The following TSPAN9 variants were observed in gnomAD, a reference collection of about 807,000 sequenced individuals.
TSPAN9 encodes tetraspanin 9.
TSPAN9 carries 16 observed loss-of-function variants against 31.0 expected under a neutral mutation model. That is an observed-to-expected ratio of 0.52 (90% CI 0.35 to 0.78). The LOEUF (loss-of-function observed/expected upper bound fraction) is 0.78. Among genes scored for constraint, TSPAN9 ranks in the 30% least tolerant of loss-of-function variants. TSPAN9 has a pLI of 0.01. For missense variants in TSPAN9, 272 were observed against 312.5 expected (o/e 0.87, Z 0.98); for synonymous variants, 145 against 121.6 (o/e 1.19, Z -1.27).
At position 3,284,796 on chromosome 12, in the gene TSPAN9, C is replaced by CAGTT. The variant is rs1390704731; in HGVS notation, c.*1681_*1684dup. 1 of 152,236 alleles carries CAGTT rather than the reference C, an allele frequency of 6.6e-6. No individual in the cohort carries two copies. Among genetic ancestry groups the CAGTT allele is most frequent in the Non-Finnish European group, 1.5e-5 (1 of 68,082 alleles). The allele number at this position is 152,236 out of a possible 1,614,324, so 9.4% of individuals were successfully genotyped here. A position where few individuals can be genotyped will look rare whatever the true frequency, so the allele number is the denominator to read the frequency against. On this transcript the variant is annotated 3_prime_UTR_variant, in exon 9 of 9. Transcript: ENST00000011898. ...TTGGTGGGCGGCTGCCTTTCCTATACAGTTTGTCTTGTCACCCTGGTTTCC... is the reference window on the plus strand; with the variant it reads ...TTGGTGGGCGGCTGCCTTTCCTATACAGTTAGTTTGTCTTGTCACCCTGGTTTCC...
At position 3,221,096 on chromosome 12, in the gene TSPAN9, G is replaced by T. The variant is rs555538915; in HGVS notation, c.63+19840G>T. 3.0e-3 allele frequency among the ~76,000 whole-genome samples: 452 copies of T among 152,230 alleles called. 1 individual carries two copies. The highest frequency in any genetic ancestry group is 3.6e-3 in the Non-Finnish European group (245 of 68,020). On this transcript the variant is annotated intron_variant, in intron 3 of 8. Coordinates refer to ENST00000011898, the MANE Select transcript of TSPAN9 (RefSeq NM_006675.5). The stretch of plus-strand genomic sequence containing the variant: ...GAAGCCACAGGGACCGGGAGACTGG[G>T]TCGCCACCCTCAGCAGGTGGCCAAG...
At chr12:3,220,886 T>C (rs2098384141) in intron 3 of TSPAN9, among the ~76,000 whole-genome samples, 1 of 152,100 alleles carries the variant, frequency 6.6e-6, no homozygotes, top group Non-Finnish European at 1.5e-5. Context: ...GAGGAACACA[T>C]TGGCCTTTCC....
At chr12:3,103,261 A>G (rs1475762601) in intron 2 of TSPAN9, among the ~76,000 whole-genome samples, 1 of 152,124 alleles carries the variant, frequency 6.6e-6, no homozygotes, top group Admixed American at 6.6e-5. Context: ...CTATGATGAA[A>G]ATATATTCAC....
At chr12:3,160,477 A>G (rs553280948) in intron 2 of TSPAN9, among the ~76,000 whole-genome samples, 1 of 152,364 alleles carries the variant, frequency 6.6e-6, no homozygotes, top group Non-Finnish European at 1.5e-5. Context: ...GTTGGATCAT[A>G]TAGTAACTCT....
chr12:3,096,357 T>TGGCA (rs2098308895), intron 2 of TSPAN9, among the ~76,000 whole-genome samples: 1 of 152,146 alleles, frequency 6.6e-6, no homozygotes, highest in African/African-American at 2.4e-5. Flanking sequence ...GGCATGGGAC[T>TGGCA]TCTGCGGCCT....
intron 2 of TSPAN9, among the ~76,000 whole-genome samples, chr12:3,194,663 A>C (rs748926380): frequency 6.6e-6 from 1 of 152,196 alleles, no homozygotes; most frequent in Non-Finnish European, 1.5e-5. Flanking sequence ...TTGGGATTAC[A>C]TGTGTGAGCA....
At chr12:3,198,803 G>A (rs1163648556) in intron 2 of TSPAN9, among the ~76,000 whole-genome samples, 1 of 54,382 alleles carries the variant, frequency 1.8e-5, no homozygotes, top group Non-Finnish European at 3.9e-5. Context: ...ACCAGCACAG[G>A]TCACACCAGC....
chr12:3,253,080 A>T (rs1305306749), intron 3 of TSPAN9, among the ~76,000 whole-genome samples: 1 of 151,892 alleles, frequency 6.6e-6, no homozygotes, highest in Non-Finnish European at 1.5e-5. Flanking sequence ...TGTGGATCTG[A>T]CCCACCTCTC....
chr12:3,159,144 T>C (rs1483913887), intron 2 of TSPAN9, among the ~76,000 whole-genome samples: 1 of 151,776 alleles, frequency 6.6e-6, no homozygotes, highest in Non-Finnish European at 1.5e-5. Context: ...CTCTTACTTT[T>C]CCCATTATTG....
chr12:3,221,352 A>AT (rs200531623), intron 3 of TSPAN9, among the ~76,000 whole-genome samples: 5,262 of 131,306 alleles, frequency 0.04, 189 homozygotes, highest in Non-Finnish European at 0.057. Context: ...TATTTAAAAT[A>AT]TTTTTCTCTT....
intron 7 of TSPAN9, 85 bp downstream of exon 7, chr12:3,281,414 C>T (rs67672535): frequency 0.056 from 81,584 of 1,453,366 alleles, 2,592 homozygotes; most frequent in Non-Finnish European, 0.063. Flanking sequence ...AGGCTGGGCC[C>T]GGGACACTAA....
chr12:3,137,536 GCCCCAAGGGAGTGCTA>G (rs1565589029), intron 2 of TSPAN9, among the ~76,000 whole-genome samples: 1 of 152,166 alleles, frequency 6.6e-6, no homozygotes, highest in East Asian at 1.9e-4. Context: ...CCAGATTTGG[GCCCCAAGGGAGTGCTA>G]CCCCCTGGGT....
intron 1 of TSPAN9, among the ~76,000 whole-genome samples, chr12:3,081,192 C>T (rs1316449393): frequency 1.3e-5 from 2 of 152,112 alleles, no homozygotes; most frequent in Admixed American, 6.5e-5. Context: ...TTTATAACCT[C>T]GTGGAGGAGA....
At chr12:3,142,256 G>T (rs138351464) in intron 2 of TSPAN9, among the ~76,000 whole-genome samples, 46 of 152,180 alleles carry the variant, frequency 3.0e-4, no homozygotes, top group African/African-American at 1.0e-3. Flanking sequence ...TTTTACCATG[G>T]AGTGTCCCCA....
rs1862834976 is a variant in TSPAN9 at position 3,278,522 on chromosome 12, C to G, written c.165C>G (p.Asn55Lys). 6.2e-7 allele frequency: 1 copy of G among 1,614,212 alleles called. No individual in the cohort carries two copies. Residue 55 changes from asparagine to lysine, a missense_variant, in exon 4 of 9, where the codon AAC (asparagine) becomes AAG (lysine). By Grantham distance (94) the Asn-to-Lys change is moderately conservative. Coordinates refer to ENST00000011898, the MANE Select transcript of TSPAN9 (RefSeq NM_006675.5). The stretch of plus-strand genomic sequence containing the variant: ...GCTTCCCTTCGTTGTCTGCAGCCAA[C>G]CTGGTCATTGCCATAGGCACCATTG... ...SPSFPSLSAANLVIAIGTIVM... is the reference protein window; with the variant it reads ...SPSFPSLSAAKLVIAIGTIVM...
At chr12:3,102,477 T>C (rs1379073240) in intron 2 of TSPAN9, among the ~76,000 whole-genome samples, 1 of 146,066 alleles carries the variant, frequency 6.8e-6, no homozygotes, top group Non-Finnish European at 1.5e-5. Context: ...CTCTGTCACC[T>C]AGGCTGGAGT....
At chr12:3,145,370 T>G (rs1163153519) in intron 2 of TSPAN9, among the ~76,000 whole-genome samples, 1 of 152,168 alleles carries the variant, frequency 6.6e-6, no homozygotes, top group Non-Finnish European at 1.5e-5. Context: ...TGTGTGAACT[T>G]GTTTTGACGT....
chr12:3,174,521 T>G (rs565051248), intron 2 of TSPAN9, among the ~76,000 whole-genome samples: 2 of 152,366 alleles, frequency 1.3e-5, no homozygotes, highest in South Asian at 4.1e-4. Flanking sequence ...GGCCAGGGGC[T>G]TCTTCTTGTA....
chr12:3,195,070 T>C (rs187116560), intron 2 of TSPAN9, among the ~76,000 whole-genome samples: 2 of 152,344 alleles, frequency 1.3e-5, no homozygotes, highest in African/African-American at 4.8e-5. Context: ...AGTCAGCGCT[T>C]TGTGTCTAAC....
Sources: allele counts gnomAD v4.1 joint callset (sites outside exome capture counted in the v4.1 genomes callset), GRCh38; gene constraint gnomAD v4.1.1; transcripts MANE v1.5; gene names NCBI Gene and HGNC (gene_info 2026-07-23, HGNC 2026-07-21).